Variants in CATSPERE observed in about 807,000 individuals in gnomAD.
The protein encoded by CATSPERE is catsper channel auxiliary subunit epsilon.
Under a neutral mutation model 114.1 loss-of-function variants are expected in CATSPERE, and 93 were observed. The ratio of observed to expected loss-of-function variants is 0.81; its 90% CI spans 0.69 to 0.97. The LOEUF is 0.97. Ranked by LOEUF, CATSPERE falls within the 50% of genes least tolerant of loss-of-function variation. The pLI is 0.00. For missense variants in CATSPERE, 1,058 were observed against 1,131.6 expected (o/e 0.93, Z 0.93); for synonymous variants, 341 against 384.1 (o/e 0.89, Z 1.31).
chr1:244,475,662 G>C (rs1669215441), intron 2 of CATSPERE, among the ~76,000 whole-genome samples: 1 of 150,964 alleles, frequency 6.6e-6, no homozygotes, highest in Admixed American at 6.6e-5. Context: ...TCAGCCTCCT[G>C]AGTAGCTGGG....
intron 6 of CATSPERE, among the ~76,000 whole-genome samples, chr1:244,491,039 G>T (rs955411322): frequency 1.3e-5 from 2 of 152,018 alleles, no homozygotes; most frequent in African/African-American, 4.8e-5. Context: ...AGATCAACGA[G>T]ACAGAAAGTT....
intron 9 of CATSPERE, among the ~76,000 whole-genome samples, chr1:244,557,582 T>TAAAA (rs1322096175): frequency 9.2e-6 from 1 of 108,112 alleles, no homozygotes; most frequent in East Asian, 2.9e-4. Flanking sequence ...TATATATATA[T>TAAAA]AAAATCTCCC....
chr1:244,461,936 C>T (rs1315734283), intron 1 of CATSPERE, among the ~76,000 whole-genome samples: 1 of 152,130 alleles, frequency 6.6e-6, no homozygotes, highest in East Asian at 1.9e-4. Flanking sequence ...ACCTCGGCCT[C>T]CTAAATAGCT....
intron 11 of CATSPERE, among the ~76,000 whole-genome samples, chr1:244,574,487 CTT>C (rs754948132): frequency 7.2e-5 from 11 of 152,188 alleles, no homozygotes; most frequent in South Asian, 2.1e-4. Context: ...GAAGAGGAAA[CTT>C]TTTATTTTTA....
At chr1:244,510,677 A>G (rs1396842677) in intron 7 of CATSPERE, among the ~76,000 whole-genome samples, 2 of 152,114 alleles carry the variant, frequency 1.3e-5, no homozygotes, top group African/African-American at 2.4e-5. Context: ...TTTTCTATCT[A>G]GAGTTCTGTC....
intron 17 of CATSPERE, among the ~76,000 whole-genome samples, chr1:244,595,067 CAAGT>C (rs1321122863): frequency 1.3e-5 from 2 of 152,096 alleles, no homozygotes; most frequent in East Asian, 3.8e-4. Context: ...CTTAACCTGC[CAAGT>C]TTAAAAAATC....
chr1:244,532,400 GTTGT>G (rs1233449052), intron 8 of CATSPERE, among the ~76,000 whole-genome samples: 2 of 151,878 alleles, frequency 1.3e-5, no homozygotes, highest in African/African-American at 4.8e-5. Flanking sequence ...GTATCATTAG[GTTGT>G]TTATTTGATG....
intron 20 of CATSPERE, among the ~76,000 whole-genome samples, chr1:244,630,112 G>A (rs561751409): frequency 6.6e-6 from 1 of 152,310 alleles, no homozygotes; most frequent in South Asian, 2.1e-4. Context: ...AAGGGAGGTG[G>A]ACTACGGTAT....
intron 19 of CATSPERE, among the ~76,000 whole-genome samples, chr1:244,614,635 G>A (rs564101022): frequency 3.3e-5 from 5 of 152,156 alleles, no homozygotes; most frequent in South Asian, 2.1e-4. Context: ...TCATTAACAC[G>A]AGGAGGGAAC....
intron 8 of CATSPERE, among the ~76,000 whole-genome samples, chr1:244,533,408 T>C (rs879568938): frequency 6.6e-6 from 1 of 152,122 alleles, no homozygotes; most frequent in Non-Finnish European, 1.5e-5. Context: ...TTATTTGTTT[T>C]ATGGTTGTTG....
intron 10 of CATSPERE, among the ~76,000 whole-genome samples, chr1:244,563,677 A>G (rs1662943959): frequency 6.6e-6 from 1 of 152,170 alleles, no homozygotes; most frequent in Non-Finnish European, 1.5e-5. Context: ...AGATGGATAG[A>G]CTGCAAAAAT....
intron 20 of CATSPERE, among the ~76,000 whole-genome samples, chr1:244,618,093 A>G (rs1023201317): frequency 6.6e-6 from 1 of 152,236 alleles, no homozygotes; most frequent in Admixed American, 6.5e-5. Flanking sequence ...GACAGGCACA[A>G]TAGTAATTCA....
intron 20 of CATSPERE, among the ~76,000 whole-genome samples, chr1:244,632,585 C>A (rs1181992624): frequency 6.6e-6 from 1 of 151,418 alleles, no homozygotes; most frequent in Non-Finnish European, 1.5e-5. Flanking sequence ...AAATGGTATA[C>A]TATTTGCCAG....
chr1:244,537,968 AT>A (rs1476136071), intron 8 of CATSPERE, among the ~76,000 whole-genome samples: 3 of 152,100 alleles, frequency 2.0e-5, no homozygotes, highest in Non-Finnish European at 4.4e-5. Flanking sequence ...ATAATAGTGG[AT>A]TTTTCTATTT....
intron 9 of CATSPERE, among the ~76,000 whole-genome samples, chr1:244,553,605 A>G (rs1439823432): frequency 1.0e-5 from 1 of 99,870 alleles, no homozygotes; most frequent in Non-Finnish European, 2.1e-5. Context: ...AAAAAAATAC[A>G]CACACACACA....
chr1:244,618,557 G>T (rs977091119), intron 20 of CATSPERE, among the ~76,000 whole-genome samples: 2 of 152,174 alleles, frequency 1.3e-5, no homozygotes, highest in African/African-American at 4.8e-5. Context: ...AAGGCGGGAG[G>T]ATCACCTGAG....
At chr1:244,492,330 G>C (rs370807667) in intron 6 of CATSPERE, among the ~76,000 whole-genome samples, 57 of 150,828 alleles carry the variant, frequency 3.8e-4, no homozygotes, top group South Asian at 1.7e-3. Context: ...ATAAACAGAA[G>C]CAAAGACAAA....
chr1:244,601,198 G>A (rs1669169933), intron 17 of CATSPERE, among the ~76,000 whole-genome samples: 1 of 152,104 alleles, frequency 6.6e-6, no homozygotes, highest in Admixed American at 6.6e-5. Context: ...TGAAAAAAGA[G>A]GGATGTGGAA....
rs955958781 is a variant in CATSPERE at position 244,633,859 on chromosome 1, T to C, written c.2649-1630T>C. Among the ~76,000 whole-genome samples, 2 of 150,216 alleles carry C rather than the reference T, an allele frequency of 1.3e-5. No homozygotes were observed. The highest frequency in any genetic ancestry group is 3.0e-5 in the Non-Finnish European group (2 of 67,680). Reference sequence around the variant, plus strand: ...AAAATTCCTGTGACAGGTGTCTACATCACTCATTTTTTTTTTTTTTTTTGA... The same window carrying C: ...AAAATTCCTGTGACAGGTGTCTACACCACTCATTTTTTTTTTTTTTTTTGA... On this transcript the variant is annotated intron_variant, in intron 20 of 21. Coordinates refer to ENST00000366534, the MANE Select transcript of CATSPERE (RefSeq NM_001130957.2). This position sits in a 1 kb window ranked among gnomAD's most constrained non-coding sequence, Gnocchi z 4.1.
Sources: gnomAD v4.1 joint callset for allele counts (sites outside exome capture counted in the v4.1 genomes callset) on GRCh38, gnomAD v4.1.1 for gene constraint, Gnocchi (gnomAD v3.1) non-coding constraint, MANE v1.5 for transcripts, NCBI Gene and HGNC (gene_info 2026-07-23, HGNC 2026-07-21) for gene names.